RAD18: variants seen among roughly 807,000 people sequenced by gnomAD.
The protein encoded by RAD18 is E3 ubiquitin-protein ligase RAD18.
A neutral mutation model predicts 60.4 loss-of-function variants in RAD18; 47 were observed. The ratio of observed to expected loss-of-function variants is 0.78; its 90% CI spans 0.62 to 0.99. RAD18 has a LOEUF of 0.99. RAD18 is among the 50% of genes least tolerant of loss of function. RAD18 has a pLI of 0.00. For missense variants in RAD18, 640 were observed against 593.3 expected (o/e 1.08, Z -0.82); for synonymous variants, 225 against 195.5 (o/e 1.15, Z -1.26).
intron 7 of RAD18, among the ~76,000 whole-genome samples, chr3:8,916,127 G>A (rs1575544619): frequency 1.3e-5 from 2 of 152,154 alleles, no homozygotes; most frequent in East Asian, 3.9e-4. Flanking sequence ...ATCGGTTGCT[G>A]AGGGAAGTAA....
At chr3:8,897,486 A>G (rs958318032) in intron 11 of RAD18, among the ~76,000 whole-genome samples, 2 of 152,210 alleles carry the variant, frequency 1.3e-5, no homozygotes, top group African/African-American at 4.8e-5. Context: ...GGCCAAATCT[A>G]TGTAATATAC....
At chr3:8,932,952 C>A (rs985326444) in intron 7 of RAD18, among the ~76,000 whole-genome samples, 1 of 151,828 alleles carries the variant, frequency 6.6e-6, no homozygotes, top group African/African-American at 2.4e-5. Context: ...AAAAATTAGC[C>A]GGGCGTGCTG....
At position 8,958,844 on chromosome 3, in the gene RAD18, T is replaced by C. The variant is rs45488503; in HGVS notation, c.133+76A>G. ...AAGGTGAAACATAAATATGTGCACA[T>C]ATCTTTGGTGTTAAATTAACACTAC... On this transcript the variant is annotated intron_variant, in intron 2 of 12. Coordinates refer to ENST00000264926, the MANE Select transcript of RAD18 (RefSeq NM_020165.4). 2.3e-4 allele frequency: 265 copies of C among 1,140,962 alleles called. No homozygotes were observed. In the African/African-American group the frequency reaches 3.7e-3, roughly 16 times the overall value. 70.7% of individuals were successfully genotyped at this position (1,140,962 alleles called of 1,614,324 possible). A position where few individuals can be genotyped will look rare whatever the true frequency, so the allele number is the denominator to read the frequency against.
intron 3 of RAD18, 42 bp downstream of exon 3, chr3:8,948,467 G>A (rs1940872447): frequency 2.0e-6 from 3 of 1,523,440 alleles, no homozygotes; most frequent in Admixed American, 3.4e-5. Context: ...AGAAATATTT[G>A]CAGCAGTCAG....
intron 8 of RAD18, 103 bp from the exon 9 acceptor site, chr3:8,912,475 G>A: frequency 1.3e-6 from 1 of 751,524 alleles, no homozygotes; most frequent in Non-Finnish European, 2.1e-6. Flanking sequence ...TAAAATAGAG[G>A]AAAATGATCT....
intron 2 of RAD18, among the ~76,000 whole-genome samples, chr3:8,949,508 C>T (rs1940894872): frequency 6.6e-6 from 1 of 152,076 alleles, no homozygotes. Flanking sequence ...TTTTAGGAAG[C>T]AAAGATGAAT....
intron 7 of RAD18, among the ~76,000 whole-genome samples, chr3:8,927,035 C>G (rs1351994483): frequency 3.3e-5 from 5 of 152,060 alleles, no homozygotes; most frequent in Non-Finnish European, 7.4e-5. Flanking sequence ...AAAGCAATGG[C>G]AACAAAAGCC....
intron 7 of RAD18, among the ~76,000 whole-genome samples, chr3:8,917,729 C>T (rs6789845): frequency 0.18 from 27,814 of 151,514 alleles, 3,700 homozygotes; most frequent in African/African-American, 0.37. Flanking sequence ...AAAAAGGAGA[C>T]GGAACAAAGG....
intron 12 of RAD18, among the ~76,000 whole-genome samples, chr3:8,881,917 G>C (rs1939469506): frequency 6.6e-6 from 1 of 152,204 alleles, no homozygotes; most frequent in Admixed American, 6.5e-5. Flanking sequence ...CAGAGTGTTG[G>C]AGAACGAGGT....
chr3:8,941,848 T>A, intron 4 of RAD18, 44 bp from the exon 5 acceptor site: 5 of 1,487,186 alleles, frequency 3.4e-6, no homozygotes, highest in Non-Finnish European at 4.6e-6. Flanking sequence ...AGATCCAATT[T>A]TACATCATAA....
At chr3:8,891,365 T>C (rs1243694953) in intron 11 of RAD18, among the ~76,000 whole-genome samples, 1 of 152,016 alleles carries the variant, frequency 6.6e-6, no homozygotes, top group Non-Finnish European at 1.5e-5. Flanking sequence ...GCATCTCTAC[T>C]ATTCTAGCTA....
At chr3:8,901,857 C>A (rs978893829) in intron 10 of RAD18, among the ~76,000 whole-genome samples, 1 of 152,174 alleles carries the variant, frequency 6.6e-6, no homozygotes, top group South Asian at 2.1e-4. Context: ...AATTTTCTTG[C>A]GCACTTTCCC....
chr3:8,920,966 C>G (rs972536774), intron 7 of RAD18, among the ~76,000 whole-genome samples: 1 of 152,194 alleles, frequency 6.6e-6, no homozygotes, highest in Non-Finnish European at 1.5e-5. Context: ...AAAGTTAAAT[C>G]TACTACAAGT....
chr3:8,962,472 A>G (rs1409766594), intron 1 of RAD18, among the ~76,000 whole-genome samples: 3 of 152,248 alleles, frequency 2.0e-5, no homozygotes, highest in Admixed American at 6.5e-5. Flanking sequence ...ACTTAATTCT[A>G]AAGTCAAATT....
chr3:8,898,403 TG>T (rs1197548649), intron 11 of RAD18, among the ~76,000 whole-genome samples: 3 of 151,850 alleles, frequency 2.0e-5, no homozygotes, highest in African/African-American at 4.8e-5. Flanking sequence ...TGTGTGTGTG[TG>T]TGTGTGTGTA....
At chr3:8,953,502 T>C (rs17049847) in intron 2 of RAD18, among the ~76,000 whole-genome samples, 6,068 of 152,246 alleles carry the variant, frequency 0.04, 414 homozygotes, top group African/African-American at 0.14. Flanking sequence ...CAGCATAATT[T>C]ATTCTCTAGT....
intron 7 of RAD18, among the ~76,000 whole-genome samples, chr3:8,927,702 C>T (rs141472264): frequency 0.028 from 4,312 of 152,192 alleles, 90 homozygotes; most frequent in Middle Eastern, 0.068. Flanking sequence ...AAATGTGGCA[C>T]GTATATACCA....
rs1373556698 is a variant in RAD18, at chr3:8,879,306, C to G, written c.*2051G>C. On this transcript the variant is annotated 3_prime_UTR_variant, in exon 13 of 13. Transcript: ENST00000264926. ...GGCCCTCTATCTAAAAAAGAGGTAACTGAAGTAAAATGAGGCCATACGCAT... is the reference window on the plus strand; with the variant it reads ...GGCCCTCTATCTAAAAAAGAGGTAAGTGAAGTAAAATGAGGCCATACGCAT... 1 of 152,134 alleles carries G rather than the reference C, an allele frequency of 6.6e-6. No individual in the cohort carries two copies. Among genetic ancestry groups the G allele is most frequent in the Non-Finnish European group, 1.5e-5 (1 of 68,036 alleles). 9.4% of individuals were successfully genotyped at this position (152,134 alleles called of 1,614,324 possible). A position where few individuals can be genotyped will look rare whatever the true frequency, so the allele number is the denominator to read the frequency against.
At chr3:8,891,944 C>A (rs1391559272) in intron 11 of RAD18, among the ~76,000 whole-genome samples, 3 of 152,132 alleles carry the variant, frequency 2.0e-5, no homozygotes, top group Non-Finnish European at 4.4e-5. Flanking sequence ...CATAGTTTCA[C>A]AAATAGGATT....
Sources: gnomAD v4.1 joint callset for allele counts (sites outside exome capture counted in the v4.1 genomes callset) on GRCh38, gnomAD v4.1.1 for gene constraint, MANE v1.5 for transcripts, NCBI Gene and HGNC (gene_info 2026-07-23, HGNC 2026-07-21) for gene names.